The following SLC35F1 variants were observed in gnomAD, a reference collection of about 807,000 sequenced individuals.
The protein encoded by SLC35F1 is chromosome 6 open reading frame 169.
In SLC35F1, 14 loss-of-function variants were observed where a neutral mutation model predicts 48.7. That is an observed-to-expected ratio of 0.29 (90% CI 0.19 to 0.45). SLC35F1 has a LOEUF of 0.45. Among genes scored for constraint, SLC35F1 ranks in the 20% least tolerant of loss-of-function variants. SLC35F1 has a pLI of 1.00. For synonymous variants in SLC35F1, 190 were observed against 202.2 expected (o/e 0.94, Z 0.51); for missense variants, 404 against 500.0 (o/e 0.81, Z 1.83).
chr6:118,066,610 A>G (rs867761438), intron 1 of SLC35F1, among the ~76,000 whole-genome samples: 2 of 152,172 alleles, frequency 1.3e-5, no homozygotes, highest in Non-Finnish European at 2.9e-5. Flanking sequence ...GGAAACTGTG[A>G]GATAATAAAT....
chr6:118,016,406 C>G (rs1777322910), intron 1 of SLC35F1, among the ~76,000 whole-genome samples: 1 of 152,062 alleles, frequency 6.6e-6, no homozygotes, highest in Non-Finnish European at 1.5e-5. Context: ...ACATTGTTTC[C>G]CACAAAAATG....
At chr6:118,255,789 G>C (rs1202563359) in intron 3 of SLC35F1, among the ~76,000 whole-genome samples, 2 of 152,160 alleles carry the variant, frequency 1.3e-5, no homozygotes, top group Non-Finnish European at 2.9e-5. Flanking sequence ...CTGGAAAAGG[G>C]CTGTTATATA....
chr6:118,114,020 A>G (rs1773443932), intron 1 of SLC35F1, among the ~76,000 whole-genome samples: 1 of 152,220 alleles, frequency 6.6e-6, no homozygotes, highest in African/African-American at 2.4e-5. Context: ...TGGAGTAAAA[A>G]TACTACCTCT....
At chr6:118,280,807 G>A (rs1354750238) in intron 6 of SLC35F1, among the ~76,000 whole-genome samples, 2 of 151,516 alleles carry the variant, frequency 1.3e-5, no homozygotes, top group Admixed American at 6.6e-5. Flanking sequence ...GGAGGCGGAG[G>A]TTGCAGCGAG....
chr6:117,919,517 C>T (rs139073956), intron 1 of SLC35F1, among the ~76,000 whole-genome samples: 1 of 152,138 alleles, frequency 6.6e-6, no homozygotes, highest in East Asian at 1.9e-4. Context: ...GTGATAAATG[C>T]TGACCGGCTT....
At chr6:118,167,071 C>T (rs895462670) in intron 2 of SLC35F1, among the ~76,000 whole-genome samples, 1 of 152,100 alleles carries the variant, frequency 6.6e-6, no homozygotes, top group East Asian at 1.9e-4. Context: ...TTCATTTATT[C>T]AGCAAGTGCC....
rs545636176 is a variant in SLC35F1 at position 118,273,002 on chromosome 6, G to GTATTTAACA, written c.638-2454_638-2453insTTAACATAT. 8.8e-3 allele frequency among the ~76,000 whole-genome samples: 1,335 copies of GTATTTAACA among 151,442 alleles called. 23 individuals carry two copies. The highest frequency in any genetic ancestry group is 0.031 in the African/African-American group (1,279 of 41,320). On this transcript the variant is annotated intron_variant, in intron 4 of 7. Transcript: ENST00000360388. The stretch of plus-strand genomic sequence containing the variant: ...AACTAAATTTTAATGTATGTTATAT[G>GTATTTAACA]TATAGGTACCTACTTTCAAATGACT...
At chr6:118,220,640 T>C (rs1775134476) in intron 2 of SLC35F1, among the ~76,000 whole-genome samples, 1 of 152,142 alleles carries the variant, frequency 6.6e-6, no homozygotes, top group Admixed American at 6.6e-5. Flanking sequence ...TGAGTGAAAA[T>C]GTCTGGGGTG....
At position 118,214,901 on chromosome 6, in the gene SLC35F1, T is replaced by C. The variant is rs576574882; in HGVS notation, c.350-20608T>C. Among the ~76,000 whole-genome samples the C allele has an allele frequency of 2.0e-5, 3 of 152,346 alleles. No homozygotes were observed. In the East Asian group the frequency reaches 5.8e-4, roughly 29 times the overall value. On this transcript the variant is annotated intron_variant, in intron 2 of 7. Coordinates refer to ENST00000360388, the MANE Select transcript of SLC35F1 (RefSeq NM_001029858.4). ...TTAGTTCTGTTTATGAATGTATGAC[T>C]TGTGCTCTTTTGTTTTTGCTCCCTT...
intron 1 of SLC35F1, among the ~76,000 whole-genome samples, chr6:117,924,492 A>ATG (rs1562239542): frequency 9.1e-5 from 2 of 22,050 alleles, no homozygotes; most frequent in African/African-American, 1.7e-4. Flanking sequence ...ATACGTATAT[A>ATG]CATATGTATA....
chr6:117,950,702 A>G (rs912118269), intron 1 of SLC35F1, among the ~76,000 whole-genome samples: 15 of 152,214 alleles, frequency 9.9e-5, no homozygotes, highest in Non-Finnish European at 4.4e-5. Context: ...AATTAAGATG[A>G]TAGATATAGA....
intron 1 of SLC35F1, among the ~76,000 whole-genome samples, chr6:118,070,823 A>G (rs1772691821): frequency 6.9e-6 from 1 of 144,014 alleles, no homozygotes; most frequent in African/African-American, 2.6e-5. Context: ...TATATATACT[A>G]TGTATACATA....
At chr6:118,301,357 C>CA in intron 7 of SLC35F1, among the ~76,000 whole-genome samples, 1 of 152,198 alleles carries the variant, frequency 6.6e-6, no homozygotes, top group Non-Finnish European at 1.5e-5. Flanking sequence ...ATTCAGATCC[C>CA]ACACAATAGT....
intron 4 of SLC35F1, among the ~76,000 whole-genome samples, chr6:118,269,215 A>G (rs188234863): frequency 6.6e-5 from 10 of 152,350 alleles, no homozygotes; most frequent in Middle Eastern, 3.4e-3. Flanking sequence ...AGTCTGTTAG[A>G]GAGTCTTTCC....
At chr6:117,966,790 G>A (rs779805111) in intron 1 of SLC35F1, among the ~76,000 whole-genome samples, 1 of 152,110 alleles carries the variant, frequency 6.6e-6, no homozygotes, top group Non-Finnish European at 1.5e-5. Context: ...ATTGGATTAT[G>A]GCCACTCTAA....
intron 1 of SLC35F1, among the ~76,000 whole-genome samples, chr6:118,113,207 C>T (rs1362150972): frequency 6.6e-6 from 1 of 152,124 alleles, no homozygotes; most frequent in Non-Finnish European, 1.5e-5. Context: ...CCACCTTAGC[C>T]TCCCAAGTAG....
At chr6:118,192,546 TTAAA>T (rs1309569778) in intron 2 of SLC35F1, among the ~76,000 whole-genome samples, 2 of 152,166 alleles carry the variant, frequency 1.3e-5, no homozygotes, top group African/African-American at 4.8e-5. Context: ...GGAAATGACT[TTAAA>T]TAGTCAGTTA....
In SLC35F1 at chr6:118,317,611, G is replaced by A. The variant is rs1243395875; in HGVS notation, c.*3359G>A. The A allele has an allele frequency of 6.6e-6, 1 of 152,160 alleles. No individual in the cohort carries two copies. The highest frequency in any genetic ancestry group is 2.4e-5 in the African/African-American group (1 of 41,430). 9.4% of individuals were successfully genotyped at this position (152,160 alleles called of 1,614,324 possible). On this transcript the variant is annotated 3_prime_UTR_variant, in exon 8 of 8. Coordinates refer to ENST00000360388, the MANE Select transcript of SLC35F1 (RefSeq NM_001029858.4). ...TATTTGCATGCTCCCCTATGGACTG[G>A]CTGTGGCAATGTAATGCCTGTATAA...
chr6:118,260,785 T>C (rs1775702641), intron 3 of SLC35F1, among the ~76,000 whole-genome samples: 1 of 152,208 alleles, frequency 6.6e-6, no homozygotes, highest in Admixed American at 6.5e-5. Context: ...ATTCTGCAGT[T>C]CTCATGACTT....
Sources: gnomAD v4.1 joint callset for allele counts (sites outside exome capture counted in the v4.1 genomes callset) on GRCh38, gnomAD v4.1.1 for gene constraint, MANE v1.5 for transcripts, NCBI Gene and HGNC (gene_info 2026-07-23, HGNC 2026-07-21) for gene names.